APBA1: variants seen among roughly 807,000 people sequenced by gnomAD.
The protein encoded by APBA1 is amyloid beta precursor protein binding family A member 1.
A neutral mutation model predicts 86.6 loss-of-function variants in APBA1; 55 were observed. The ratio of observed to expected loss-of-function variants is 0.64; its 90% CI spans 0.51 to 0.80. The LOEUF (loss-of-function observed/expected upper bound fraction) is 0.80, where lower values mean the gene tolerates loss of function less well. APBA1 is among the 30% of genes least tolerant of loss of function. The probability of loss-of-function intolerance (pLI) is 0.00; values close to 1 mark genes in which losing one functional copy is unlikely to be tolerated. For synonymous variants in APBA1, 511 were observed against 493.9 expected, an observed-to-expected ratio of 1.03 and a Z score of -0.46; for missense variants, 1,090 against 1,183.0, an observed-to-expected ratio of 0.92 and a Z score of 1.15.
At chr9:69,435,928 C>T (rs2133786639) in intron 11 of APBA1, among the ~76,000 whole-genome samples, 1 of 152,264 alleles carries the variant, frequency 6.6e-6, no homozygotes, top group Middle Eastern at 3.4e-3. Context: ...ACATGTAGGT[C>T]TTTAATCCAT....
chr9:69,440,237 C>T (rs1834791257), intron 11 of APBA1, among the ~76,000 whole-genome samples: 1 of 152,196 alleles, frequency 6.6e-6, no homozygotes, highest in East Asian at 1.9e-4. Context: ...GTCAGGGACA[C>T]ACTTCAGGAG....
intron 2 of APBA1, among the ~76,000 whole-genome samples, chr9:69,490,861 C>T (rs138787638): frequency 0.15 from 22,966 of 152,044 alleles, 2,365 homozygotes; most frequent in East Asian, 0.28. Flanking sequence ...AAAATGCTCA[C>T]CATCACTGGC....
At chr9:69,659,157 CT>C (rs1823702535) in intron 1 of APBA1, among the ~76,000 whole-genome samples, 1 of 152,130 alleles carries the variant, frequency 6.6e-6, no homozygotes, top group Non-Finnish European at 1.5e-5. Context: ...TTATACAGAC[CT>C]TCTGGCCAGC....
At chr9:69,443,906 A>G (rs1412509454) in intron 10 of APBA1, among the ~76,000 whole-genome samples, 1 of 152,172 alleles carries the variant, frequency 6.6e-6, no homozygotes, top group South Asian at 2.1e-4. Context: ...TGTGTCCCCA[A>G]ATTCCAGCCT....
At chr9:69,439,767 CCTT>C (rs1255585197) in intron 11 of APBA1, among the ~76,000 whole-genome samples, 5 of 152,138 alleles carry the variant, frequency 3.3e-5, no homozygotes, top group African/African-American at 9.7e-5. Flanking sequence ...TCTTCTGAAG[CCTT>C]CTTCTCTCAA....
chr9:69,470,885 C>T (rs1337153634), intron 4 of APBA1, among the ~76,000 whole-genome samples: 1 of 152,176 alleles, frequency 6.6e-6, no homozygotes, highest in Admixed American at 6.5e-5. Flanking sequence ...GAGTGCAGAG[C>T]TTGGCGGAAC....
At chr9:69,491,083 G>C (rs1234933220) in intron 2 of APBA1, among the ~76,000 whole-genome samples, 1 of 152,090 alleles carries the variant, frequency 6.6e-6, no homozygotes, top group Non-Finnish European at 1.5e-5. Flanking sequence ...AATACCATTT[G>C]ACCCAGCCAT....
chr9:69,558,667 G>A (rs781508721), intron 1 of APBA1, among the ~76,000 whole-genome samples: 4 of 151,706 alleles, frequency 2.6e-5, no homozygotes, highest in Non-Finnish European at 2.9e-5. Context: ...ACAGGGGCTC[G>A]TTGTACAGAT....
intron 1 of APBA1, among the ~76,000 whole-genome samples, chr9:69,639,942 T>G (rs1256512150): frequency 6.6e-6 from 1 of 152,166 alleles, no homozygotes; most frequent in African/African-American, 2.4e-5. Flanking sequence ...TACATCTGTC[T>G]ACTAATTTAT....
At chr9:69,540,156 CA>C (rs1279467424) in intron 1 of APBA1, among the ~76,000 whole-genome samples, 22 of 147,254 alleles carry the variant, frequency 1.5e-4, no homozygotes, top group African/African-American at 5.3e-4. Context: ...ACAACAACAA[CA>C]AAAGTCACCT....
At chr9:69,556,013 A>C (rs1208880734) in intron 1 of APBA1, among the ~76,000 whole-genome samples, 2 of 152,204 alleles carry the variant, frequency 1.3e-5, no homozygotes, top group African/African-American at 2.4e-5. Context: ...AAGTGGCAAC[A>C]ACAAAGAAAA....
chr9:69,557,638 C>A (rs902358597), intron 1 of APBA1, among the ~76,000 whole-genome samples: 3 of 152,224 alleles, frequency 2.0e-5, no homozygotes, highest in African/African-American at 7.2e-5. Flanking sequence ...GATGGAAAGG[C>A]AGCAGCAGGC....
intron 2 of APBA1, among the ~76,000 whole-genome samples, chr9:69,481,352 A>G (rs183830701): frequency 6.6e-6 from 1 of 152,238 alleles, no homozygotes; most frequent in East Asian, 1.9e-4. Flanking sequence ...CCAAATCATG[A>G]GCGAACTCCC....
intron 5 of APBA1, chr9:69,464,067 T>C (rs2133823899): frequency 6.5e-6 from 1 of 152,674 alleles, no homozygotes; most frequent in Non-Finnish European, 1.5e-5. Context: ...TGTGGGCACC[T>C]GGTGCAAGCT....
intron 1 of APBA1, among the ~76,000 whole-genome samples, chr9:69,522,887 A>G (rs1379853114): frequency 6.6e-6 from 1 of 152,044 alleles, no homozygotes; most frequent in Non-Finnish European, 1.5e-5. Flanking sequence ...CCTCTACAAA[A>G]AAGTTGGATG....
At chr9:69,483,869 C>T (rs1835565051) in intron 2 of APBA1, among the ~76,000 whole-genome samples, 6 of 152,196 alleles carry the variant, frequency 3.9e-5, no homozygotes, top group Admixed American at 3.9e-4. Flanking sequence ...CACATGCCTT[C>T]AAGAAGAAAC....
chr9:69,506,128 G>A (rs1835959158), intron 2 of APBA1, among the ~76,000 whole-genome samples: 1 of 151,998 alleles, frequency 6.6e-6, no homozygotes, highest in Admixed American at 6.5e-5. Context: ...GAAGAAGACG[G>A]GTGATTTCTG....
intron 1 of APBA1, among the ~76,000 whole-genome samples, chr9:69,523,199 G>A (rs971823121): frequency 2.0e-5 from 3 of 151,954 alleles, no homozygotes; most frequent in Non-Finnish European, 4.4e-5. Context: ...TGATAGAAGG[G>A]GAGGCTGTAA....
At chr9:69,608,445 T>C (rs1327864931) in intron 1 of APBA1, among the ~76,000 whole-genome samples, 1 of 152,140 alleles carries the variant, frequency 6.6e-6, no homozygotes, top group Admixed American at 6.5e-5. Context: ...ATAACGAATA[T>C]TCACTGTTGT....
Sources: allele counts gnomAD v4.1 joint callset (sites outside exome capture counted in the v4.1 genomes callset), GRCh38; gene constraint gnomAD v4.1.1; transcripts MANE v1.5; gene names NCBI Gene and HGNC (gene_info 2026-07-23, HGNC 2026-07-21).